KCNQ2: variants seen among roughly 807,000 people sequenced by gnomAD.
KCNQ2 encodes potassium voltage-gated channel subfamily Q member 2, also known as potassium voltage-gated channel subfamily KQT member 2.
In KCNQ2, 14 loss-of-function variants were observed where a neutral mutation model predicts 84.8. The observed-to-expected ratio is 0.17, with a 90% CI of 0.11 to 0.26. The LOEUF is 0.26. Ranked by LOEUF, KCNQ2 falls within the 10% of genes least tolerant of loss-of-function variation. The pLI is 1.00. For synonymous variants in KCNQ2, 599 were observed against 554.1 expected, an observed-to-expected ratio of 1.08 and a Z score of -1.14; for missense variants, 788 against 1,254.0, an observed-to-expected ratio of 0.63 and a Z score of 5.61.
At chr20:63,440,395 G>A (rs564632632) in intron 5 of KCNQ2, among the ~76,000 whole-genome samples, 19 of 152,274 alleles carry the variant, frequency 1.2e-4, no homozygotes, top group Admixed American at 3.3e-4. Context: ...TGCCTGTGCC[G>A]GGGCCGAGGA....
intron 8 of KCNQ2, among the ~76,000 whole-genome samples, chr20:63,431,998 T>TCACCCA (rs2080809847): frequency 2.6e-4 from 16 of 62,544 alleles, no homozygotes; most frequent in East Asian, 6.8e-4. Flanking sequence ...GGCCCCACCC[T>TCACCCA]CAGGGAAGGC....
At position 63,445,503 on chromosome 20, in the gene KCNQ2, C is replaced by CCCCCAAAGGG. The variant is rs11472004; in HGVS notation, c.388-140_388-139insCCCTTTGGGG. The CCCCCAAAGGG allele has an allele frequency of 0.77, 660,517 of 856,960 alleles. 258,797 individuals carry two copies. Among genetic ancestry groups the CCCCCAAAGGG allele is most frequent in the African/African-American group, 0.82 (48,014 of 58,540 alleles). The allele number at this position is 856,960 out of a possible 1,614,324, so 53.1% of individuals were successfully genotyped here. On this transcript the variant is annotated intron_variant, in intron 2 of 16. Transcript: ENST00000359125. ...CCCCCAAAGGAAACTGCAAGCTGAC[C>CCCCCAAAGGG]CCCCCACCCCTCTCCAGCCTCTGGG...
At position 63,438,812 on chromosome 20, in the gene KCNQ2, C is replaced by G. The variant is rs2081077877; in HGVS notation, c.928-92G>C. 7 of 951,252 alleles carry G rather than the reference C, an allele frequency of 7.4e-6. No individual in the cohort carries two copies. In the Admixed American group the frequency reaches 1.1e-4, roughly 16 times the overall value. The allele number at this position is 951,252 out of a possible 1,614,324, so 58.9% of individuals were successfully genotyped here. ...CATGCTCTGGGGCCCCACACCCCCC[C>G]CAATTCATCAGGGTCAGACCACACT... is the stretch of plus-strand genomic sequence containing the variant. On this transcript the variant is annotated intron_variant, in intron 6 of 16. Transcript: ENST00000359125. The surrounding 1 kb of genome is among the most constrained non-coding windows in gnomAD (Gnocchi z 5.1).
intron 1 of KCNQ2, among the ~76,000 whole-genome samples, chr20:63,450,097 CCTCA>C (rs1194507801): frequency 6.6e-6 from 1 of 150,698 alleles, no homozygotes; most frequent in African/African-American, 2.4e-5. Flanking sequence ...TCACCCCCTC[CCTCA>C]CTTACAGGCC....
chr20:63,458,257 G>T (rs1286967179), intron 1 of KCNQ2, among the ~76,000 whole-genome samples: 1 of 152,142 alleles, frequency 6.6e-6, no homozygotes, highest in Non-Finnish European at 1.5e-5. Context: ...CCAGAAGCAT[G>T]TGGAGAAGCT....
intron 8 of KCNQ2, 29 bp from the exon 9 acceptor site, chr20:63,431,398 GA>G (rs1210297713): frequency 1.2e-6 from 2 of 1,612,430 alleles, no homozygotes; most frequent in East Asian, 2.2e-5. Context: ...CACACAAAGG[GA>G]AAAGAACGGA....
chr20:63,458,541 C>T (rs1050786456), intron 1 of KCNQ2, among the ~76,000 whole-genome samples: 4 of 152,186 alleles, frequency 2.6e-5, no homozygotes, highest in Non-Finnish European at 2.9e-5. Context: ...AAAGGCTGCC[C>T]GACCATCCCT....
rs112006486 is a variant in KCNQ2 at position 63,415,143 on chromosome 20, C to CGACAGACA, written c.1302-25_1302-18dup. The CGACAGACA allele has an allele frequency of 0.94, 1,444,555 of 1,535,690 alleles. 679,247 individuals carry two copies. Among genetic ancestry groups the CGACAGACA allele is most frequent in the East Asian group, 0.99 (43,756 of 44,118 alleles). Reference sequence around the variant, plus strand: ...ACCTTCTGGCTGCTCCCACGGGAACCGACAGACAGACAGAAAAACAGGGAG... The same window carrying CGACAGACA: ...ACCTTCTGGCTGCTCCCACGGGAACCGACAGACAGACAGACAGACAGAAAAACAGGGAG... On this transcript the variant is annotated splice_polypyrimidine_tract_variant and intron_variant, in intron 12 of 16. Transcript: ENST00000359125.
chr20:63,431,342 G>A lies in KCNQ2; in HGVS notation c.1146C>T (p.Ser382=). ...YSSQTQTYGA[S]RLIPPLNQLE... ...GCTTCTGTCCATGCATTTCCTACCTGGAGGCCCCGTAGGTTTGAGTTTGCG... is the reference window on the plus strand; with the variant it reads ...GCTTCTGTCCATGCATTTCCTACCTAGAGGCCCCGTAGGTTTGAGTTTGCG... The change falls in exon 9 of 17, where the codon TCC becomes TCT. Residue 382 remains serine (S), a splice_region_variant and synonymous_variant. Transcript: ENST00000359125. 1 of 1,613,702 alleles carries A rather than the reference G, an allele frequency of 6.2e-7. No individual in the cohort carries two copies. Among genetic ancestry groups the A allele is most frequent in the Non-Finnish European group, 8.5e-7 (1 of 1,179,862 alleles).
rs376611221 is a variant in KCNQ2, at chr20:63,444,649, C to G, written c.690+10G>C. The G allele has an allele frequency of 1.3e-6, 2 of 1,542,506 alleles. No individual in the cohort carries two copies. The highest frequency in any genetic ancestry group is 2.4e-5 in the South Asian group (2 of 83,864). On this transcript the variant is annotated intron_variant, in intron 4 of 16. Transcript: ENST00000359125. ...GGGCGCCCACCGCCAGCCTTGGGGCCGTGACTCACCTTGCTGTGGGCATAG... is the reference window on the plus strand; with the variant it reads ...GGGCGCCCACCGCCAGCCTTGGGGCGGTGACTCACCTTGCTGTGGGCATAG...
At chr20:63,433,599 G>A in intron 8 of KCNQ2, 1 of 897,732 alleles carries the variant, frequency 1.1e-6, no homozygotes, top group Non-Finnish European at 1.7e-6. Flanking sequence ...AAAGGGGTGA[G>A]GAAATGAAAG....
intron 9 of KCNQ2, among the ~76,000 whole-genome samples, chr20:63,430,090 C>A (rs761861971): frequency 6.6e-6 from 1 of 152,232 alleles, no homozygotes; most frequent in Non-Finnish European, 1.5e-5. Context: ...CACGCAGGCC[C>A]AGGTGAGAGA....
At chr20:63,442,287 G>T in intron 5 of KCNQ2, 119 bp downstream of exon 5, 2 of 1,262,244 alleles carry the variant, frequency 1.6e-6, no homozygotes, top group East Asian at 4.7e-5. Flanking sequence ...ACCACGGGCA[G>T]CCAGCAGGTG....
intron 1 of KCNQ2, among the ~76,000 whole-genome samples, chr20:63,452,731 G>T (rs1342806574): frequency 6.6e-6 from 1 of 152,184 alleles, no homozygotes; most frequent in African/African-American, 2.4e-5. Context: ...CAGGTCTCTC[G>T]CCGGCAGCTC....
At position 63,408,449 on chromosome 20, in the gene KCNQ2, G is replaced by A; in HGVS notation, c.1851C>T (p.Pro617=). ...CCTTCCCGAGCCGTCCCATCATGCTGGGGTCCTCGGGCAGCTCCGCCTCGG... is the reference window on the plus strand; with the variant it reads ...CCTTCCCGAGCCGTCCCATCATGCTAGGGTCCTCGGGCAGCTCCGCCTCGG... ...GPAEAELPED[P]SMMGRLGKVE... Residue 617 remains proline (P), a synonymous_variant, in exon 16 of 17, where the codon CCC becomes CCT. Coordinates refer to ENST00000359125, the MANE Select transcript of KCNQ2 (RefSeq NM_172107.4). This position sits in a 1 kb window ranked among gnomAD's most constrained non-coding sequence, Gnocchi z 5.0. 6.2e-7 allele frequency: 1 copy of A among 1,609,018 alleles called. No homozygotes were observed. The highest frequency in any genetic ancestry group is 8.5e-7 in the Non-Finnish European group (1 of 1,178,932).
chr20:63,448,433 T>C (rs1600803769), intron 1 of KCNQ2: 1 of 152,264 alleles, frequency 6.6e-6, no homozygotes, highest in Non-Finnish European at 1.5e-5. Flanking sequence ...GAGCAGCCGC[T>C]TCCCCGTGTC....
chr20:63,457,147 C>T (rs980167512), intron 1 of KCNQ2, among the ~76,000 whole-genome samples: 1 of 152,146 alleles, frequency 6.6e-6, no homozygotes, highest in Non-Finnish European at 1.5e-5. Flanking sequence ...ATGAACCAAG[C>T]GTGATGGATC....
intron 1 of KCNQ2, among the ~76,000 whole-genome samples, chr20:63,454,430 G>A (rs575342091): frequency 1.3e-5 from 2 of 152,384 alleles, no homozygotes; most frequent in African/African-American, 4.8e-5. Context: ...GAGCCTTGGA[G>A]GAGGGAGGAG....
intron 1 of KCNQ2, chr20:63,466,310 G>T (rs1368128309): frequency 6.6e-6 from 1 of 150,812 alleles, no homozygotes; most frequent in South Asian, 2.1e-4. Flanking sequence ...TCGAGCCGGG[G>T]CCCCGCGCTT....
Sources: gnomAD v4.1 joint callset for allele counts (sites outside exome capture counted in the v4.1 genomes callset) on GRCh38, gnomAD v4.1.1 for gene constraint, Gnocchi (gnomAD v3.1) non-coding constraint, MANE v1.5 for transcripts, NCBI Gene and HGNC (gene_info 2026-07-23, HGNC 2026-07-21) for gene names.